CPQ: variants seen among roughly 807,000 people sequenced by gnomAD.
CPQ encodes carboxypeptidase Q.
In CPQ, 37 loss-of-function variants were observed where a neutral mutation model predicts 45.7. The ratio of observed to expected loss-of-function variants is 0.81; its 90% confidence interval spans 0.62 to 1.07. The LOEUF (loss-of-function observed/expected upper bound fraction) is 1.07. Ranked by LOEUF, CPQ falls within the 50% of genes least tolerant of loss-of-function variation. The probability of loss-of-function intolerance (pLI) is 0.00; values close to 1 mark genes in which losing one functional copy is unlikely to be tolerated. For synonymous variants in CPQ, 186 were observed against 205.8 expected (o/e 0.90, Z 0.82); for missense variants, 537 against 572.9 (o/e 0.94, Z 0.64).
chr8:97,027,252 A>G (rs1400864313), intron 5 of CPQ, among the ~76,000 whole-genome samples: 1 of 152,124 alleles, frequency 6.6e-6, no homozygotes, highest in Non-Finnish European at 1.5e-5. Context: ...TGTGCTATGA[A>G]TGTGGGCAGG....
At chr8:96,744,022 C>G (rs181632720) in intron 1 of CPQ, among the ~76,000 whole-genome samples, 129 of 152,368 alleles carry the variant, frequency 8.5e-4, no homozygotes, top group African/African-American at 3.0e-3. Context: ...AGCTTCCTGG[C>G]TCCTTTGTTT....
chr8:96,808,692 G>T (rs1198180872), intron 2 of CPQ, among the ~76,000 whole-genome samples: 4 of 152,134 alleles, frequency 2.6e-5, no homozygotes, highest in African/African-American at 9.7e-5. Flanking sequence ...TGAAAAGGCA[G>T]GGGCTCCAGA....
intron 1 of CPQ, among the ~76,000 whole-genome samples, chr8:96,717,084 T>TACAC (rs1431401935): frequency 1.7e-5 from 2 of 118,412 alleles, no homozygotes; most frequent in African/African-American, 6.9e-5. Context: ...TATACGTATA[T>TACAC]ATACACACAC....
chr8:97,040,729 A>G (rs1586508969), intron 6 of CPQ, among the ~76,000 whole-genome samples: 1 of 152,190 alleles, frequency 6.6e-6, no homozygotes, highest in East Asian at 1.9e-4. Context: ...AGCACCATTT[A>G]TTAAATAGGG....
At chr8:97,073,644 C>T (rs533213491) in intron 7 of CPQ, among the ~76,000 whole-genome samples, 5 of 152,154 alleles carry the variant, frequency 3.3e-5, no homozygotes, top group African/African-American at 9.6e-5. Context: ...GTAAACCAAA[C>T]GCTGAGACAC....
chr8:96,817,428 A>G (rs1811242626), intron 2 of CPQ, among the ~76,000 whole-genome samples: 1 of 152,128 alleles, frequency 6.6e-6, no homozygotes, highest in Non-Finnish European at 1.5e-5. Flanking sequence ...TTTCTTTTGT[A>G]GCTTCCTTAC....
intron 5 of CPQ, among the ~76,000 whole-genome samples, chr8:96,990,888 T>C (rs1409415856): frequency 6.6e-6 from 1 of 152,178 alleles, no homozygotes; most frequent in Non-Finnish European, 1.5e-5. Flanking sequence ...GCAAAGGAGC[T>C]TCTGTGAGTC....
At chr8:96,737,151 C>A (rs564073021) in intron 1 of CPQ, among the ~76,000 whole-genome samples, 1 of 149,532 alleles carries the variant, frequency 6.7e-6, no homozygotes, top group South Asian at 2.1e-4. Context: ...TATATTATTC[C>A]TATTTGCTCT....
chr8:96,880,548 T>TATATATATATATATAC (rs1812209178), intron 4 of CPQ, among the ~76,000 whole-genome samples: 1 of 52,022 alleles, frequency 1.9e-5, no homozygotes, highest in African/African-American at 6.7e-5. Context: ...TATATATATA[T>TATATATATATATATAC]ATATATATAT....
At chr8:97,112,169 T>A (rs1242529786) in intron 7 of CPQ, among the ~76,000 whole-genome samples, 1 of 151,540 alleles carries the variant, frequency 6.6e-6, no homozygotes, top group African/African-American at 2.4e-5. Flanking sequence ...TTTATTTTTT[T>A]TTTTGCTAAG....
At chr8:96,943,085 C>T (rs1474165786) in intron 4 of CPQ, among the ~76,000 whole-genome samples, 6 of 152,096 alleles carry the variant, frequency 3.9e-5, no homozygotes, top group African/African-American at 7.2e-5. Flanking sequence ...GTGGCTTGAA[C>T]GATAGAAAGC....
intron 5 of CPQ, among the ~76,000 whole-genome samples, chr8:97,006,456 C>T (rs1282201146): frequency 1.3e-5 from 2 of 152,166 alleles, no homozygotes; most frequent in Non-Finnish European, 2.9e-5. Context: ...GGGGGAATTA[C>T]TTAGTATACA....
At chr8:96,925,905 G>A (rs1256878515) in intron 4 of CPQ, among the ~76,000 whole-genome samples, 2 of 147,084 alleles carry the variant, frequency 1.4e-5, no homozygotes, top group East Asian at 4.1e-4. Flanking sequence ...AGCCAGGATG[G>A]TCTCAATCTC....
intron 1 of CPQ, among the ~76,000 whole-genome samples, chr8:96,704,601 A>G (rs184201497): frequency 5.3e-5 from 8 of 152,294 alleles, no homozygotes; most frequent in African/African-American, 1.9e-4. Flanking sequence ...AAATTGATAT[A>G]TCTGGAGTTC....
intron 1 of CPQ, among the ~76,000 whole-genome samples, chr8:96,744,293 C>T (rs1810143276): frequency 6.6e-6 from 1 of 152,272 alleles, no homozygotes; most frequent in Admixed American, 6.5e-5. Flanking sequence ...TCCCTGACCC[C>T]TTGTGCTTCC....
chr8:96,877,927 T>G (rs903061078), intron 3 of CPQ, among the ~76,000 whole-genome samples: 16 of 152,182 alleles, frequency 1.1e-4, no homozygotes, highest in African/African-American at 3.9e-4. Flanking sequence ...TTTGTACTCC[T>G]TTTGATGAAT....
intron 4 of CPQ, among the ~76,000 whole-genome samples, chr8:96,894,911 T>C (rs1812423401): frequency 6.6e-6 from 1 of 152,224 alleles, no homozygotes; most frequent in Admixed American, 6.5e-5. Flanking sequence ...AGGTAGAAAT[T>C]AACATTTTAT....
At chr8:96,882,500 T>C (rs1466848973) in intron 4 of CPQ, among the ~76,000 whole-genome samples, 1 of 152,210 alleles carries the variant, frequency 6.6e-6, no homozygotes, top group Non-Finnish European at 1.5e-5. Flanking sequence ...ATTATAATAC[T>C]ATCGCTGTTT....
intron 1 of CPQ, among the ~76,000 whole-genome samples, chr8:96,742,495 T>A (rs2130779586): frequency 6.6e-6 from 1 of 152,342 alleles, no homozygotes; most frequent in Non-Finnish European, 1.5e-5. Flanking sequence ...AATATTGTTA[T>A]GTGTGAGTTT....
Sources: gnomAD v4.1 joint callset for allele counts (sites outside exome capture counted in the v4.1 genomes callset) on GRCh38, gnomAD v4.1.1 for gene constraint, MANE v1.5 for transcripts, NCBI Gene and HGNC (gene_info 2026-07-23, HGNC 2026-07-21) for gene names.